Variants in ELMO1 observed in about 807,000 individuals in gnomAD.
ELMO1 encodes engulfment and cell motility 1, also known as engulfment and cell motility protein 1.
In ELMO1, 26 loss-of-function variants were observed where a neutral mutation model predicts 98.9. The observed-to-expected ratio is 0.26, with a 90% CI of 0.19 to 0.36. The LOEUF is 0.36. Among genes scored for constraint, ELMO1 ranks in the 10% least tolerant of loss-of-function variants. The pLI is 1.00. For synonymous variants in ELMO1, 346 were observed against 346.0 expected, an observed-to-expected ratio of 1.00 and a Z score of 0.00; for missense variants, 627 against 935.2, an observed-to-expected ratio of 0.67 and a Z score of 4.30.
chr7:37,321,730 A>C (rs1336073331), intron 2 of ELMO1, among the ~76,000 whole-genome samples: 2 of 150,066 alleles, frequency 1.3e-5, no homozygotes, highest in South Asian at 2.1e-4. Flanking sequence ...AAAAAAAAAA[A>C]AAAAAAAACA....
intron 15 of ELMO1, among the ~76,000 whole-genome samples, chr7:37,023,201 C>T (rs1434281011): frequency 8.5e-5 from 13 of 152,176 alleles, no homozygotes; most frequent in South Asian, 4.1e-4. Flanking sequence ...GGGCAGTTGG[C>T]GGTTTGGAAA....
intron 15 of ELMO1, among the ~76,000 whole-genome samples, chr7:37,024,764 A>G (rs975101828): frequency 1.3e-5 from 2 of 152,262 alleles, no homozygotes; most frequent in African/African-American, 4.8e-5. Flanking sequence ...TAAGCACTTC[A>G]TAAATATTAG....
chr7:36,894,487 C>A (rs532025285), intron 17 of ELMO1, among the ~76,000 whole-genome samples: 5 of 152,282 alleles, frequency 3.3e-5, no homozygotes, highest in African/African-American at 1.2e-4. Context: ...CTGGCTGGCT[C>A]ACAAGGTCTT....
At chr7:37,197,499 A>T (rs1313367454) in intron 13 of ELMO1, among the ~76,000 whole-genome samples, 1 of 152,274 alleles carries the variant, frequency 6.6e-6, no homozygotes, top group African/African-American at 2.4e-5. Context: ...ATTCAGAGGT[A>T]GGAAGGGCAC....
At chr7:37,203,346 T>A (rs1215442162) in intron 13 of ELMO1, among the ~76,000 whole-genome samples, 22 of 152,302 alleles carry the variant, frequency 1.4e-4, no homozygotes, top group Admixed American at 1.4e-3. Context: ...TGGAGGGTCG[T>A]ACCCTGAGGG....
intron 2 of ELMO1, among the ~76,000 whole-genome samples, chr7:37,327,422 T>C (rs1036664387): frequency 1.3e-5 from 2 of 151,722 alleles, no homozygotes; most frequent in Admixed American, 6.6e-5. Context: ...GCTAGGAGAG[T>C]AGATATGAGA....
At chr7:37,072,625 C>T (rs931601255) in intron 15 of ELMO1, among the ~76,000 whole-genome samples, 5 of 152,178 alleles carry the variant, frequency 3.3e-5, no homozygotes, top group African/African-American at 4.8e-5. Flanking sequence ...CCACTCCATA[C>T]ACATCCCAAA....
At chr7:37,263,143 C>T (rs1490355132) in intron 5 of ELMO1, among the ~76,000 whole-genome samples, 5 of 152,006 alleles carry the variant, frequency 3.3e-5, no homozygotes, top group Non-Finnish European at 7.4e-5. Flanking sequence ...GGAAATACAA[C>T]ATTTATTATA....
In ELMO1 at chr7:37,360,034, G is replaced by A. The variant is rs115117473; in HGVS notation, c.-73-17271C>T. Among the ~76,000 whole-genome samples, 285 of 152,144 alleles carry A rather than the reference G, an allele frequency of 1.9e-3. 2 individuals are homozygous for A. Among genetic ancestry groups the A allele is most frequent in the African/African-American group, 6.0e-3 (250 of 41,510 alleles). On this transcript the variant is annotated intron_variant, in intron 1 of 21. Transcript: ENST00000310758. ...CTCTGCGGAAAAATACCCCTGGCTC[G>A]GATCATAATTTCCGTTCTGGTAAAA...
At chr7:36,995,600 T>C (rs1792154687) in intron 16 of ELMO1, among the ~76,000 whole-genome samples, 2 of 152,130 alleles carry the variant, frequency 1.3e-5, no homozygotes, top group South Asian at 4.1e-4. Flanking sequence ...TTTAATATAC[T>C]ACAAAACATG....
intron 1 of ELMO1, among the ~76,000 whole-genome samples, chr7:37,361,836 CTG>C (rs1215279025): frequency 9.2e-5 from 14 of 152,108 alleles, no homozygotes; most frequent in African/African-American, 3.4e-4. Flanking sequence ...TAGCACGCAC[CTG>C]TAAGTCCCAC....
intron 15 of ELMO1, among the ~76,000 whole-genome samples, chr7:37,033,993 T>C (rs1378866945): frequency 6.6e-6 from 1 of 152,226 alleles, no homozygotes; most frequent in Non-Finnish European, 1.5e-5. Flanking sequence ...TTACTTACAT[T>C]GTATTCCCAT....
At chr7:37,115,574 C>A (rs1453424184) in intron 14 of ELMO1, among the ~76,000 whole-genome samples, 1 of 152,034 alleles carries the variant, frequency 6.6e-6, no homozygotes, top group Non-Finnish European at 1.5e-5. Flanking sequence ...AAACTCTCAG[C>A]AAACTAAGAA....
chr7:37,372,974 T>C (rs1562649639), intron 1 of ELMO1, among the ~76,000 whole-genome samples: 2 of 152,180 alleles, frequency 1.3e-5, no homozygotes, highest in Admixed American at 1.3e-4. Flanking sequence ...CTGAGGCTAC[T>C]AAAGGGAAGA....
At chr7:37,048,654 T>C (rs1795932395) in intron 15 of ELMO1, among the ~76,000 whole-genome samples, 1 of 152,260 alleles carries the variant, frequency 6.6e-6, no homozygotes, top group South Asian at 2.1e-4. Context: ...TTGAGCGTTC[T>C]CATGGAAAGA....
At chr7:37,144,052 C>A (rs1784749418) in intron 13 of ELMO1, among the ~76,000 whole-genome samples, 1 of 152,104 alleles carries the variant, frequency 6.6e-6, no homozygotes, top group Non-Finnish European at 1.5e-5. Context: ...CCCCCTCAGA[C>A]ATTATAACAG....
At chr7:37,439,464 A>T (rs529873390) in intron 1 of ELMO1, among the ~76,000 whole-genome samples, 44 of 152,300 alleles carry the variant, frequency 2.9e-4, no homozygotes, top group African/African-American at 1.0e-3. Context: ...GACTGTCTCT[A>T]AACAGATTTG....
At chr7:37,383,125 C>T (rs1715267931) in intron 1 of ELMO1, among the ~76,000 whole-genome samples, 1 of 152,188 alleles carries the variant, frequency 6.6e-6, no homozygotes, top group Admixed American at 6.5e-5. Flanking sequence ...TCTACAGGCC[C>T]TCTTTAAATT....
At chr7:37,240,588 C>T (rs561791621) in intron 7 of ELMO1, among the ~76,000 whole-genome samples, 6 of 151,682 alleles carry the variant, frequency 4.0e-5, no homozygotes, top group African/African-American at 1.2e-4. Flanking sequence ...TTAAACCATC[C>T]TTCCTTTTCA....
Sources: gnomAD v4.1 joint callset for allele counts (sites outside exome capture counted in the v4.1 genomes callset) on GRCh38, gnomAD v4.1.1 for gene constraint, MANE v1.5 for transcripts, NCBI Gene and HGNC (gene_info 2026-07-23, HGNC 2026-07-21) for gene names.